The following FSTL4 variants were observed in gnomAD, a reference collection of about 807,000 sequenced individuals.
The protein encoded by FSTL4 is follistatin-related protein 4.
In FSTL4, 28 loss-of-function variants were observed where a neutral mutation model predicts 78.2. The observed-to-expected ratio is 0.36, with a 90% CI of 0.27 to 0.49. FSTL4 has a LOEUF of 0.49. Ranked by LOEUF, FSTL4 falls within the 20% of genes least tolerant of loss-of-function variation. FSTL4 has a pLI of 0.98. For synonymous variants in FSTL4, 422 were observed against 440.5 expected, an observed-to-expected ratio of 0.96 and a Z score of 0.53; for missense variants, 922 against 1,084.9, an observed-to-expected ratio of 0.85 and a Z score of 2.11.
rs948087406 is a variant in FSTL4, at chr5:133,571,261, G to A, written c.127-4042C>T. Among the ~76,000 whole-genome samples the A allele has an allele frequency of 4.6e-5, 7 of 152,254 alleles. 1 individual carries two copies. The highest frequency in any genetic ancestry group is 3.4e-3 in the Middle Eastern group (1 of 294). ...ATTCTCAAATTATTCCTATTCTTGA[G>A]TAGATAAAGATGATATTCCAGGACT... On this transcript the variant is annotated intron_variant, in intron 2 of 15. Transcript: ENST00000265342.
intron 7 of FSTL4, among the ~76,000 whole-genome samples, chr5:133,233,790 C>G (rs570405275): frequency 3.7e-4 from 57 of 152,266 alleles, no homozygotes; most frequent in African/African-American, 1.2e-3. Context: ...CCACGAGGCC[C>G]GGTTTGAACA....
intron 6 of FSTL4, among the ~76,000 whole-genome samples, chr5:133,257,894 G>A (rs1224931661): frequency 5.3e-5 from 8 of 152,198 alleles, no homozygotes; most frequent in Admixed American, 5.2e-4. Context: ...TATCCTAACT[G>A]CCTATTACTT....
At chr5:133,438,124 T>C (rs547802527) in intron 3 of FSTL4, among the ~76,000 whole-genome samples, 22 of 152,358 alleles carry the variant, frequency 1.4e-4, no homozygotes, top group African/African-American at 4.8e-4. Context: ...GAAGTACTTC[T>C]TTTAAAAAAT....
At chr5:133,421,008 C>A (rs944046550) in intron 3 of FSTL4, among the ~76,000 whole-genome samples, 1 of 152,230 alleles carries the variant, frequency 6.6e-6, no homozygotes, top group Non-Finnish European at 1.5e-5. Context: ...CTGCTTCTCA[C>A]CCCTATCCCC....
At chr5:133,728,868 GA>G in the FSTL4 span, among the ~76,000 whole-genome samples, 1 of 152,148 alleles carries the variant, frequency 6.6e-6, no homozygotes, top group East Asian at 1.9e-4. Flanking sequence ...AAAGGAAAAA[GA>G]AAAGAAAAAG....
the FSTL4 span, among the ~76,000 whole-genome samples, chr5:133,816,664 T>G: frequency 6.6e-6 from 1 of 152,214 alleles, no homozygotes; most frequent in Admixed American, 6.5e-5. Flanking sequence ...ATTGTAGCTC[T>G]CCAAACCCCA....
intron 12 of FSTL4, among the ~76,000 whole-genome samples, chr5:133,218,308 G>C (rs1750980876): frequency 2.0e-5 from 3 of 152,028 alleles, no homozygotes; most frequent in Non-Finnish European, 4.4e-5. Context: ...GACCATTTCT[G>C]CTCCATCACC....
chr5:133,696,630 T>A, the FSTL4 span, among the ~76,000 whole-genome samples: 2 of 152,216 alleles, frequency 1.3e-5, no homozygotes, highest in East Asian at 3.8e-4. Context: ...AAAGTATCTG[T>A]TGAGTGAATA....
At chr5:133,787,507 C>T in the FSTL4 span, among the ~76,000 whole-genome samples, 1 of 152,204 alleles carries the variant, frequency 6.6e-6, no homozygotes, top group Non-Finnish European at 1.5e-5. Flanking sequence ...GGGGCCTGAA[C>T]TGAACCCAGG....
chr5:133,517,422 CAAAAA>C (rs34374583), intron 3 of FSTL4, among the ~76,000 whole-genome samples: 5 of 10,606 alleles, frequency 4.7e-4, no homozygotes, highest in Non-Finnish European at 7.0e-4. Context: ...GACTCCATCT[CAAAAA>C]AAAAAAAAAA....
chr5:133,740,976 G>T, the FSTL4 span, among the ~76,000 whole-genome samples: 8 of 152,128 alleles, frequency 5.3e-5, no homozygotes, highest in Admixed American at 2.0e-4. Flanking sequence ...TGGATGGATG[G>T]ATGGGAGGGT....
intron 6 of FSTL4, among the ~76,000 whole-genome samples, chr5:133,254,454 G>A (rs1055329586): frequency 6.6e-6 from 1 of 152,248 alleles, no homozygotes; most frequent in East Asian, 1.9e-4. Flanking sequence ...ATCAGGCCTG[G>A]GCCGTGTGGC....
chr5:133,474,935 G>A (rs971747852), intron 3 of FSTL4, among the ~76,000 whole-genome samples: 6 of 152,162 alleles, frequency 3.9e-5, no homozygotes, highest in African/African-American at 1.2e-4. Flanking sequence ...CAGTGTTCGC[G>A]GGGAAACCCA....
chr5:133,741,805 G>A, the FSTL4 span, among the ~76,000 whole-genome samples: 1 of 152,180 alleles, frequency 6.6e-6, no homozygotes, highest in Non-Finnish European at 1.5e-5. Context: ...GGAGTCAGTG[G>A]GGCCTCTCCC....
At position 133,225,894 on chromosome 5, in the gene FSTL4, C is replaced by T. The variant is rs377584506; in HGVS notation, c.1016-75G>A. The T allele has an allele frequency of 1.6e-6, 2 of 1,251,804 alleles. No homozygotes were observed. Among genetic ancestry groups the T allele is most frequent in the Non-Finnish European group, 2.1e-6 (2 of 936,198 alleles). 77.5% of individuals were successfully genotyped at this position (1,251,804 alleles called of 1,614,324 possible). A position where few individuals can be genotyped will look rare whatever the true frequency, so the allele number is the denominator to read the frequency against. On this transcript the variant is annotated intron_variant, in intron 8 of 15. Coordinates refer to ENST00000265342, the MANE Select transcript of FSTL4 (RefSeq NM_015082.2). This position sits in a 1 kb window ranked among gnomAD's most constrained non-coding sequence, Gnocchi z 4.6. ...CTTGGGCCTGTGGCCCAACCTGAGA[C>T]CCTGCTCCAGAGGGGGTGAACCCAA...
At chr5:133,785,761 T>C in the FSTL4 span, among the ~76,000 whole-genome samples, 1 of 152,100 alleles carries the variant, frequency 6.6e-6, no homozygotes, top group East Asian at 1.9e-4. Flanking sequence ...GAGATAGAAG[T>C]CATGGCTATG....
the FSTL4 span, among the ~76,000 whole-genome samples, chr5:133,716,247 G>A: frequency 2.6e-5 from 4 of 152,138 alleles, no homozygotes; most frequent in Non-Finnish European, 5.9e-5. Flanking sequence ...ACAAGCAAAA[G>A]TACAGAAGGA....
At chr5:133,460,635 G>C (rs77643037) in intron 3 of FSTL4, among the ~76,000 whole-genome samples, 2 of 152,148 alleles carry the variant, frequency 1.3e-5, no homozygotes, top group African/African-American at 4.8e-5. Flanking sequence ...GGGGCCCAAC[G>C]CTACCTAGGG....
rs1761080516 is a variant in FSTL4 at position 133,611,134 on chromosome 5, C to T, written c.-11+1191G>A. 6.6e-6 allele frequency among the ~76,000 whole-genome samples: 1 copy of T among 152,118 alleles called. No homozygotes were observed. The highest frequency in any genetic ancestry group is 2.4e-5 in the African/African-American group (1 of 41,432). On this transcript the variant is annotated intron_variant, in intron 1 of 15. Coordinates refer to ENST00000265342, the MANE Select transcript of FSTL4 (RefSeq NM_015082.2). The surrounding 1 kb of genome is among the most constrained non-coding windows in gnomAD (Gnocchi z 4.9). Reference sequence around the variant, plus strand: ...GGCGGGCTGTGGCCGCGCCATTCATCAGTGTCGGCGGCCCGCGGCCGCGAG... The same window carrying T: ...GGCGGGCTGTGGCCGCGCCATTCATTAGTGTCGGCGGCCCGCGGCCGCGAG...
Sources: gnomAD v4.1 joint callset for allele counts (sites outside exome capture counted in the v4.1 genomes callset) on GRCh38, gnomAD v4.1.1 for gene constraint, Gnocchi (gnomAD v3.1) non-coding constraint, MANE v1.5 for transcripts, NCBI Gene and HGNC (gene_info 2026-07-23, HGNC 2026-07-21) for gene names.